Variants in HIVEP3 observed in about 807,000 individuals in gnomAD.
HIVEP3 encodes the protein HIVEP zinc finger 3.
Under a neutral mutation model 152.8 loss-of-function variants are expected in HIVEP3, and 49 were observed. The ratio of observed to expected loss-of-function variants is 0.32; its 90% CI spans 0.26 to 0.41. HIVEP3 has a LOEUF of 0.41. Among genes scored for constraint, HIVEP3 ranks in the 10% least tolerant of loss-of-function variants. The probability of loss-of-function intolerance (pLI) is 1.00; values close to 1 mark genes in which losing one functional copy is unlikely to be tolerated. For missense variants in HIVEP3, 2,790 were observed against 3,103.3 expected (o/e 0.90, Z 2.40); for synonymous variants, 1,269 against 1,289.0 (o/e 0.98, Z 0.33).
At chr1:41,819,400 G>A in intron 1 of HIVEP3, among the ~76,000 whole-genome samples, 1 of 150,754 alleles carries the variant, frequency 6.6e-6, no homozygotes, top group Middle Eastern at 3.2e-3. Context: ...CTTTTCTATT[G>A]TCTCTTTATT....
intron 1 of HIVEP3, among the ~76,000 whole-genome samples, chr1:41,877,598 A>G (rs1312297151): frequency 6.6e-6 from 1 of 152,176 alleles, no homozygotes; most frequent in Admixed American, 6.5e-5. Context: ...ACCCCCCAAC[A>G]ATATCTCATG....
chr1:41,637,050 A>G (rs924320404), intron 2 of HIVEP3, among the ~76,000 whole-genome samples: 2 of 151,994 alleles, frequency 1.3e-5, no homozygotes, highest in African/African-American at 4.8e-5. Context: ...TGGAGGGAGG[A>G]GTCGTCATCA....
Position 41,840,127 on chromosome 1 carries a change from G to A in HIVEP3, c.-801+78286C>T, listed in dbSNP as rs190535383. Among the ~76,000 whole-genome samples the A allele has an allele frequency of 2.0e-4, 30 of 152,152 alleles. No homozygotes were observed. The East Asian group carries it at 4.6e-3, about 24-fold the overall frequency. ...TCCTTTTATGAATCAGTTTGCCACC[G>A]TCCCCGCCTCTTTGTCACTTGTTCC... is the stretch of plus-strand genomic sequence containing the variant. On this transcript the variant is annotated intron_variant, in intron 1 of 8. Coordinates refer to ENST00000372583, the MANE Select transcript of HIVEP3 (RefSeq NM_024503.5).
At chr1:41,696,269 T>A (rs1231097344) in intron 2 of HIVEP3, among the ~76,000 whole-genome samples, 1 of 152,194 alleles carries the variant, frequency 6.6e-6, no homozygotes, top group Non-Finnish European at 1.5e-5. Context: ...CATGACCCCA[T>A]CCAGAGAAGC....
At chr1:41,564,017 C>A (rs1171260807) in intron 5 of HIVEP3, among the ~76,000 whole-genome samples, 1 of 152,098 alleles carries the variant, frequency 6.6e-6, no homozygotes, top group East Asian at 1.9e-4. Flanking sequence ...CATGGTGAAA[C>A]CCTGTCTCTA....
At chr1:41,645,117 G>A (rs1050674798) in intron 2 of HIVEP3, among the ~76,000 whole-genome samples, 1 of 152,120 alleles carries the variant, frequency 6.6e-6, no homozygotes, top group African/African-American at 2.4e-5. Flanking sequence ...AGAATCCTTG[G>A]TTTTGAACAC....
At chr1:41,748,409 A>T (rs1161108289) in intron 1 of HIVEP3, among the ~76,000 whole-genome samples, 1 of 152,206 alleles carries the variant, frequency 6.6e-6, no homozygotes, top group South Asian at 2.1e-4. Flanking sequence ...TGGAGAGGTC[A>T]TTTCCTCATC....
intron 1 of HIVEP3, among the ~76,000 whole-genome samples, chr1:41,939,086 T>C (rs926380770): frequency 1.3e-5 from 2 of 152,224 alleles, no homozygotes; most frequent in African/African-American, 4.8e-5. Context: ...TTAGGATTGA[T>C]AGATGATAGC....
chr1:41,893,508 T>A (rs1333471343), intron 1 of HIVEP3, among the ~76,000 whole-genome samples: 1 of 151,622 alleles, frequency 6.6e-6, no homozygotes, highest in Non-Finnish European at 1.5e-5. Flanking sequence ...TTTGCTACTA[T>A]ACCTCCTACA....
chr1:41,907,107 C>T (rs1349639988), intron 1 of HIVEP3, among the ~76,000 whole-genome samples: 2 of 152,132 alleles, frequency 1.3e-5, no homozygotes, highest in African/African-American at 4.8e-5. Context: ...GTGGCTTCTG[C>T]CTCCCAGGTA....
In HIVEP3 at chr1:41,509,164, C is replaced by T. The variant is rs1644413896; in HGVS notation, c.*1287G>A. ...AACGAGTTAGGACAATTCAAAAATC[C>T]TCTAGGTCAAAAGAATCTGTGGTGG... On this transcript the variant is annotated 3_prime_UTR_variant, in exon 9 of 9. Coordinates refer to ENST00000372583, the MANE Select transcript of HIVEP3 (RefSeq NM_024503.5). 6.6e-6 allele frequency: 1 copy of T among 152,130 alleles called. No homozygotes were observed. Among genetic ancestry groups the T allele is most frequent in the African/African-American group, 2.4e-5 (1 of 41,414 alleles). The allele number at this position is 152,130 out of a possible 1,614,324, so 9.4% of individuals were successfully genotyped here.
At chr1:41,899,030 C>T (rs751062313) in intron 1 of HIVEP3, among the ~76,000 whole-genome samples, 30 of 152,196 alleles carry the variant, frequency 2.0e-4, no homozygotes, top group Admixed American at 7.2e-4. Flanking sequence ...ACACATGCTA[C>T]GGCCATTTTG....
chr1:41,760,165 C>A (rs1647573357), intron 1 of HIVEP3, among the ~76,000 whole-genome samples: 2 of 152,278 alleles, frequency 1.3e-5, no homozygotes, highest in African/African-American at 2.4e-5. Flanking sequence ...CTAGCCTGGG[C>A]AACATAGTGA....
At chr1:41,519,101 G>C (rs1382978616) in intron 6 of HIVEP3, among the ~76,000 whole-genome samples, 2 of 152,194 alleles carry the variant, frequency 1.3e-5, no homozygotes, top group Non-Finnish European at 2.9e-5. Flanking sequence ...CAGGGACTCA[G>C]GAGCCACAAG....
intron 5 of HIVEP3, among the ~76,000 whole-genome samples, chr1:41,575,026 C>T (rs1644306041): frequency 6.6e-6 from 1 of 152,200 alleles, no homozygotes; most frequent in African/African-American, 2.4e-5. Flanking sequence ...GAGCCCTGGG[C>T]CCCAGCCAGT....
intron 2 of HIVEP3, among the ~76,000 whole-genome samples, chr1:41,677,462 T>C (rs1645974699): frequency 6.6e-6 from 1 of 152,246 alleles, no homozygotes; most frequent in Non-Finnish European, 1.5e-5. Context: ...TCTGGGCTTA[T>C]CTTTGCTTCA....
Position 41,513,007 on chromosome 1 carries a change from A to G in HIVEP3, c.6214T>C (p.Trp2072Arg). 6.2e-7 allele frequency: 1 copy of G among 1,613,514 alleles called. No homozygotes were observed. Among genetic ancestry groups the G allele is most frequent in the Non-Finnish European group, 8.5e-7 (1 of 1,179,706 alleles). The part of the protein sequence containing the change: ...GLPRYSPTRR[W>R]SPGQAESPPR... ...GGTGACTCGGCCTGACCTGGAGACC[A>G]TCTCCTGGTGGGCGAGTATCTGGGG... Residue 2072 changes from tryptophan to arginine, a missense_variant, in exon 8 of 9, where the codon TGG becomes CGG. Transcript: ENST00000372583.
At chr1:41,718,215 GAACCAGGGCCTTTGCCAA>G (rs1646624262) in intron 1 of HIVEP3, among the ~76,000 whole-genome samples, 1 of 152,234 alleles carries the variant, frequency 6.6e-6, no homozygotes, top group Non-Finnish European at 1.5e-5. Context: ...GCCAGTGGTG[GAACCAGGGCCTTTGCCAA>G]GGAGTCTGGG....
intron 6 of HIVEP3, 88 bp downstream of exon 6, chr1:41,524,647 G>C: frequency 7.9e-7 from 1 of 1,263,648 alleles, no homozygotes; most frequent in Non-Finnish European, 1.2e-6. Flanking sequence ...CTGCAAAGAG[G>C]TCTGGGCACC....
Sources: allele counts gnomAD v4.1 joint callset (sites outside exome capture counted in the v4.1 genomes callset), GRCh38; gene constraint gnomAD v4.1.1; transcripts MANE v1.5; gene names NCBI Gene and HGNC (gene_info 2026-07-23, HGNC 2026-07-21).